The following TRAP1 variants were observed in gnomAD, a reference collection of about 807,000 sequenced individuals.
TRAP1 encodes the protein heat shock protein 75 kDa, mitochondrial.
In TRAP1, 102 loss-of-function variants were observed where a neutral mutation model predicts 89.1. The ratio of observed to expected loss-of-function variants is 1.15; its 90% CI spans 0.98 to 1.35. The LOEUF (loss-of-function observed/expected upper bound fraction) is 1.35, where lower values mean the gene tolerates loss of function less well. Ranked by LOEUF, TRAP1 falls within the 40% of genes most tolerant of loss-of-function variation. The probability of loss-of-function intolerance (pLI) is 0.00; values close to 1 mark genes in which losing one functional copy is unlikely to be tolerated. For synonymous variants in TRAP1, 508 were observed against 388.0 expected (o/e 1.31, Z -3.64); for missense variants, 1,256 against 945.3 (o/e 1.33, Z -4.31).
At chr16:3,677,458 T>C in intron 6 of TRAP1, 40 bp downstream of exon 6, 1 of 1,613,792 alleles carries the variant, frequency 6.2e-7, no homozygotes. Context: ...GGGCTCCAGC[T>C]CAGCTTTGAG....
At chr16:3,703,913 G>C (rs1315747922) in intron 1 of TRAP1, among the ~76,000 whole-genome samples, 1 of 150,070 alleles carries the variant, frequency 6.7e-6, no homozygotes, top group Non-Finnish European at 1.5e-5. Flanking sequence ...TACTCGGGAG[G>C]CTGAGGCAGG....
intron 17 of TRAP1, 51 bp from the exon 18 acceptor site, chr16:3,658,281 ATTTT>A: frequency 3.3e-6 from 4 of 1,216,394 alleles, no homozygotes; most frequent in South Asian, 1.4e-5. Flanking sequence ...GCACCTTTTC[ATTTT>A]TTTTTTTTTG....
chr16:3,692,702 G>A (rs1017031270), intron 1 of TRAP1, among the ~76,000 whole-genome samples: 3 of 145,570 alleles, frequency 2.1e-5, no homozygotes, highest in East Asian at 2.2e-4. Context: ...GGGTTCAAGC[G>A]ATTCTCCTGC....
At chr16:3,685,240 A>AAC (rs1212281239) in intron 4 of TRAP1, among the ~76,000 whole-genome samples, 1 of 152,364 alleles carries the variant, frequency 6.6e-6, no homozygotes, top group Non-Finnish European at 1.5e-5. Flanking sequence ...GGCTATGACA[A>AAC]ACAGCTGGCA....
intron 1 of TRAP1, among the ~76,000 whole-genome samples, chr16:3,710,741 T>A (rs2095909391): frequency 6.6e-6 from 1 of 152,072 alleles, no homozygotes; most frequent in Non-Finnish European, 1.5e-5. Flanking sequence ...ATAGTTACAT[T>A]AGAAGGACCC....
At chr16:3,690,730 T>C in intron 2 of TRAP1, 97 bp downstream of exon 2, 1 of 1,237,720 alleles carries the variant, frequency 8.1e-7, no homozygotes, top group South Asian at 3.0e-5. Context: ...CCTAAGGCGG[T>C]GGCTCTACCA....
intron 7 of TRAP1, 42 bp from the exon 8 acceptor site, chr16:3,675,439 T>A: frequency 1.9e-6 from 3 of 1,597,472 alleles, no homozygotes; most frequent in Non-Finnish European, 2.6e-6. Flanking sequence ...TCTACAATGC[T>A]TGTGGAAACG....
intron 9 of TRAP1, 36 bp downstream of exon 9, chr16:3,674,303 C>T (rs746647282): frequency 1.2e-6 from 2 of 1,609,162 alleles, no homozygotes; most frequent in African/African-American, 1.3e-5. Context: ...ACAACAGAGT[C>T]ACCCTGAGGG....
intron 10 of TRAP1, among the ~76,000 whole-genome samples, chr16:3,672,192 C>T (rs572510301): frequency 2.0e-5 from 3 of 151,994 alleles, no homozygotes; most frequent in East Asian, 1.9e-4. Flanking sequence ...AAAAATTAGC[C>T]GGGTGTGGTG....
At chr16:3,693,381 TAC>T (rs2051242282) in intron 1 of TRAP1, among the ~76,000 whole-genome samples, 1 of 146,340 alleles carries the variant, frequency 6.8e-6, no homozygotes, top group Non-Finnish European at 1.5e-5. Context: ...ACTTTATTCG[TAC>T]AGTTAAAAAA....
chr16:3,675,885 C>G lies in TRAP1; in HGVS notation c.814+151G>C, dbSNP rs572653396. 1.2e-5 allele frequency: 8 copies of G among 679,514 alleles called. No homozygotes were observed. In the Admixed American group the frequency reaches 2.4e-4, roughly 20 times the overall value. The allele number at this position is 679,514 out of a possible 1,614,324, so 42.1% of individuals were successfully genotyped here. Reference sequence around the variant, plus strand: ...GATGCTACGCAGCCCTGGCGGGCAGCCCCCCTCCCAGTCCCGCAGCGGCTC... The same window carrying G: ...GATGCTACGCAGCCCTGGCGGGCAGGCCCCCTCCCAGTCCCGCAGCGGCTC... On this transcript the variant is annotated intron_variant, in intron 7 of 17. Coordinates refer to ENST00000246957, the MANE Select transcript of TRAP1 (RefSeq NM_016292.3).
At position 3,666,030 on chromosome 16, in the gene TRAP1, C is replaced by T. The variant is rs140501072; in HGVS notation, c.1324G>A (p.Glu442Lys). The T allele has an allele frequency of 8.0e-4, 1,288 of 1,614,106 alleles. 3 individuals carry two copies. The highest frequency in any genetic ancestry group is 1.1e-3 in the Admixed American group (65 of 60,012). The stretch of plus-strand genomic sequence containing the variant: ...TCCCGCATGAACAGGCCGTAATCTT[C>T]AAAAAACTTTGCATACTTCTCAGCA... ...KDAEKYAKFF[E>K]DYGLFMREGI... The change falls in exon 12 of 18, where the codon GAA becomes AAA. Residue 442 changes from glutamate to lysine, a missense_variant. Transcript: ENST00000246957.
intron 11 of TRAP1, 137 bp downstream of exon 11, chr16:3,671,585 C>T (rs2050913244): frequency 2.4e-6 from 2 of 841,770 alleles, no homozygotes; most frequent in Admixed American, 4.6e-5. Flanking sequence ...CTCCTGAGGG[C>T]CCCCATGTGC....
chr16:3,682,619 C>T (rs1358769388), intron 4 of TRAP1, among the ~76,000 whole-genome samples: 1 of 152,142 alleles, frequency 6.6e-6, no homozygotes, highest in Non-Finnish European at 1.5e-5. Flanking sequence ...TCTTGAACTC[C>T]TGAGCTCAGA....
Position 3,663,450 on chromosome 16 carries a change from T to G in TRAP1, c.1682A>C (p.Glu561Ala), listed in dbSNP as rs2050737870. The G allele has an allele frequency of 6.2e-7, 1 of 1,613,946 alleles. No homozygotes were observed. Residue 561 changes from glutamate (E) to alanine (A), a missense_variant, in exon 14 of 18, where the codon GAG becomes GCG. By Grantham distance (107) the Glu-to-Ala change is moderately radical (BLOSUM62 -1). Transcript: ENST00000246957. ...TGGGGACCTGTCCTCAAACTTCTCC[T>G]CCTTGTAGTGATCCACGACTATGTC... ...ETDIVVDHYKEEKFEDRSPAA... is the reference protein window; with the variant it reads ...ETDIVVDHYKAEKFEDRSPAA...
At chr16:3,694,123 A>AT (rs2051254905) in intron 1 of TRAP1, among the ~76,000 whole-genome samples, 1 of 151,562 alleles carries the variant, frequency 6.6e-6, no homozygotes. Flanking sequence ...TTGGTGTTTC[A>AT]TGCTTTGCAG....
chr16:3,699,221 G>A (rs948777840), intron 1 of TRAP1, among the ~76,000 whole-genome samples: 1 of 152,102 alleles, frequency 6.6e-6, no homozygotes, highest in Admixed American at 6.5e-5. Context: ...CTTCCCATCC[G>A]AGTTGCTGCA....
chr16:3,676,312 C>T (rs945688754), intron 6 of TRAP1, 167 bp from the exon 7 acceptor site: 6 of 455,754 alleles, frequency 1.3e-5, no homozygotes, highest in African/African-American at 1.2e-4. Context: ...CCATCACATG[C>T]CCATCAGGAA....
rs1406905392 is a variant in TRAP1 at position 3,712,281 on chromosome 16, G to C, written c.88+5140C>G. 6.0e-4 allele frequency among the ~76,000 whole-genome samples: 20 copies of C among 33,592 alleles called. No homozygotes were observed. In the Admixed American group the frequency reaches 0.01, roughly 17 times the overall value. 22.0% of individuals were successfully genotyped at this position (33,592 alleles called of 152,430 possible). ...TTCAGCCTGGCGACAGAAAGAATCTGTCTCAAAAAAAAAAAAAAAAAAAAA... is the reference window on the plus strand; with the variant it reads ...TTCAGCCTGGCGACAGAAAGAATCTCTCTCAAAAAAAAAAAAAAAAAAAAA... On this transcript the variant is annotated intron_variant, in intron 1 of 17. Transcript: ENST00000246957.
Sources: gnomAD v4.1 joint callset for allele counts (sites outside exome capture counted in the v4.1 genomes callset) on GRCh38, gnomAD v4.1.1 for gene constraint, MANE v1.5 for transcripts, NCBI Gene and HGNC (gene_info 2026-07-23, HGNC 2026-07-21) for gene names.